The following SPECC1L variants were observed in gnomAD, a reference collection of about 807,000 sequenced individuals.
SPECC1L encodes cytospin-A.
Under a neutral mutation model 116.8 loss-of-function variants are expected in SPECC1L, and 40 were observed. The ratio of observed to expected loss-of-function variants is 0.34; its 90% CI spans 0.27 to 0.45. The LOEUF (loss-of-function observed/expected upper bound fraction) is 0.45. Ranked by LOEUF, SPECC1L falls within the 20% of genes least tolerant of loss-of-function variation. The pLI is 1.00. For missense variants in SPECC1L, 1,110 were observed against 1,373.6 expected, an observed-to-expected ratio of 0.81 and a Z score of 3.03; for synonymous variants, 504 against 500.6, an observed-to-expected ratio of 1.01 and a Z score of -0.09.
chr22:24,363,252 T>C lies in SPECC1L; in HGVS notation c.2744-9T>C, dbSNP rs777809074. The C allele has an allele frequency of 6.2e-7, 1 of 1,612,918 alleles. No homozygotes were observed. The highest frequency in any genetic ancestry group is 1.1e-5 in the South Asian group (1 of 91,046). Reference sequence around the variant, plus strand: ...ATTTCTTTATTGGGATTCTTTCTACTTTGTACAGAGCATCTGTTAAGAACA... The same window carrying C: ...ATTTCTTTATTGGGATTCTTTCTACCTTGTACAGAGCATCTGTTAAGAACA... On this transcript the variant is annotated splice_polypyrimidine_tract_variant and intron_variant, in intron 11 of 16. Coordinates refer to ENST00000314328, the MANE Select transcript of SPECC1L (RefSeq NM_015330.6).
intron 14 of SPECC1L, among the ~76,000 whole-genome samples, chr22:24,373,322 T>C (rs945993848): frequency 6.6e-6 from 1 of 152,142 alleles, no homozygotes; most frequent in African/African-American, 2.4e-5. Context: ...GCCAAGTCAA[T>C]CCTAAGCCAA....
chr22:24,323,702 T>A (rs2040765162), intron 5 of SPECC1L, among the ~76,000 whole-genome samples: 1 of 152,216 alleles, frequency 6.6e-6, no homozygotes, highest in South Asian at 2.1e-4. Context: ...TAATTTAGAT[T>A]TTAGGGTGTT....
Position 24,313,466 on chromosome 22 carries a change from G to A in SPECC1L, c.307G>A (p.Gly103Ser). ...TVENKSKIST[G>S]TASSTKRSTS... is the part of the protein sequence containing the mutation. ...GGAGAACAAATCCAAGATTAGCACA[G>A]GTAACGGTGACATTCAGTCTGAGAC... is the stretch of plus-strand genomic sequence containing the variant. Residue 103 changes from glycine to serine, a missense_variant and splice_region_variant, in exon 4 of 17, where the codon GGC becomes AGC. Gly to Ser is a moderately conservative substitution (Grantham distance 56). This residue lies in a region of SPECC1L where 437 missense variants were observed against 482.6 expected (regional missense o/e 0.91). Transcript: ENST00000314328. 1 of 1,613,872 alleles carries A rather than the reference G, an allele frequency of 6.2e-7. No homozygotes were observed. The highest frequency in any genetic ancestry group is 8.5e-7 in the Non-Finnish European group (1 of 1,180,030).
chr22:24,280,655 A>G (rs1258907574), intron 2 of SPECC1L, among the ~76,000 whole-genome samples: 3 of 142,670 alleles, frequency 2.1e-5, no homozygotes, highest in Non-Finnish European at 4.5e-5. Context: ...ACAGCTTATT[A>G]CAGCCCTGAC....
intron 14 of SPECC1L, among the ~76,000 whole-genome samples, chr22:24,373,913 TCAAA>T (rs1340355980): frequency 6.6e-6 from 1 of 151,370 alleles, no homozygotes; most frequent in Non-Finnish European, 1.5e-5. Context: ...TACAATGAAC[TCAAA>T]CAAATATACA....
intron 4 of SPECC1L, among the ~76,000 whole-genome samples, chr22:24,315,852 T>A (rs1295798404): frequency 1.3e-5 from 2 of 152,240 alleles, no homozygotes; most frequent in Non-Finnish European, 2.9e-5. Context: ...GAGATCTCTT[T>A]TTTGTCTTGC....
chr22:24,311,461 C>T (rs566385861), intron 3 of SPECC1L, among the ~76,000 whole-genome samples: 1 of 152,224 alleles, frequency 6.6e-6, no homozygotes, highest in East Asian at 1.9e-4. Context: ...CATTGTGTGA[C>T]TTCGGCATCA....
intron 14 of SPECC1L, among the ~76,000 whole-genome samples, chr22:24,385,961 A>G (rs1217349186): frequency 1.3e-5 from 2 of 152,234 alleles, no homozygotes; most frequent in African/African-American, 4.8e-5. Context: ...AATTGGCCAC[A>G]GTATATTCAT....
At position 24,398,810 on chromosome 22, in the gene SPECC1L, G is replaced by A. The variant is rs562359987; in HGVS notation, c.3088-12778G>A. On this transcript the variant is annotated intron_variant, in intron 14 of 16. Transcript: ENST00000314328. ...CCCTAAAGAGGCCAGGAAAGCTTTTGGGGGTTAGGATGAGGACACGATTCT... is the reference window on the plus strand; with the variant it reads ...CCCTAAAGAGGCCAGGAAAGCTTTTAGGGGTTAGGATGAGGACACGATTCT... 2.0e-5 allele frequency among the ~76,000 whole-genome samples: 3 copies of A among 152,298 alleles called. No homozygotes were observed. The South Asian group carries it at 6.2e-4, about 32-fold the overall frequency.
rs1002082218 is a variant in SPECC1L, at chr22:24,322,380, G to A, written c.1400G>A (p.Arg467His). ...TTTAGTCGACAGATTGAATACTTCC[G>A]CTCTCTTCTAGATGAGCATCACATT... ...EHFSRQIEYF[R>H]SLLDEHHISY... is the part of the protein sequence containing the mutation. Residue 467 changes from arginine to histidine, a missense_variant, in exon 5 of 17, where the codon CGC (arginine) becomes CAC (histidine). This residue lies in a region of SPECC1L where 575 missense variants were observed against 682.4 expected (regional missense o/e 0.84). Transcript: ENST00000314328. 5 of 1,614,150 alleles carry A rather than the reference G, an allele frequency of 3.1e-6. No homozygotes were observed. The highest frequency in any genetic ancestry group is 1.7e-5 in the Admixed American group (1 of 60,012).
chr22:24,337,210 A>G (rs2041078397), intron 9 of SPECC1L, among the ~76,000 whole-genome samples: 1 of 152,240 alleles, frequency 6.6e-6, no homozygotes, highest in African/African-American at 2.4e-5. Flanking sequence ...ATGAATGGAT[A>G]AACAAAATGT....
intron 2 of SPECC1L, among the ~76,000 whole-genome samples, chr22:24,300,371 G>A (rs2049353353): frequency 6.6e-6 from 1 of 152,240 alleles, no homozygotes; most frequent in South Asian, 2.1e-4. Flanking sequence ...TCTTCATCCA[G>A]TGTATCATTG....
chr22:24,378,708 A>T (rs2042012814), intron 14 of SPECC1L, among the ~76,000 whole-genome samples: 1 of 152,222 alleles, frequency 6.6e-6, no homozygotes, highest in African/African-American at 2.4e-5. Context: ...CAGAATGGCT[A>T]GTCAGTGGAT....
chr22:24,356,988 A>C (rs2041546426), intron 11 of SPECC1L, among the ~76,000 whole-genome samples: 1 of 151,810 alleles, frequency 6.6e-6, no homozygotes, highest in Non-Finnish European at 1.5e-5. Flanking sequence ...AGTTATGACA[A>C]CCAAAAAATG....
chr22:24,353,549 C>T (rs1021602561), intron 11 of SPECC1L, among the ~76,000 whole-genome samples: 3 of 151,998 alleles, frequency 2.0e-5, no homozygotes, highest in South Asian at 2.1e-4. Flanking sequence ...GGATTACAGG[C>T]GCATACCACC....
chr22:24,302,355 AAACCTGG>A lies in SPECC1L; in HGVS notation c.128_134del (p.Pro43GlnfsTer15). 1 of 1,614,174 alleles carries A rather than the reference AAACCTGG, an allele frequency of 6.2e-7. No individual in the cohort carries two copies. Among genetic ancestry groups the A allele is most frequent in the Non-Finnish European group, 8.5e-7 (1 of 1,180,042 alleles). ...AGCATCTACGGGAGGCAAACTTGTA[AAACCTGG>A]AACAGCAGCATCATTGTCAAAGGTA... is the stretch of plus-strand genomic sequence containing the variant. On this transcript the variant is annotated frameshift_variant, in exon 3 of 17. Coordinates refer to ENST00000314328, the MANE Select transcript of SPECC1L (RefSeq NM_015330.6). LOFTEE classifies it high-confidence loss of function.
chr22:24,287,705 T>G (rs2049068454), intron 2 of SPECC1L, among the ~76,000 whole-genome samples: 1 of 152,198 alleles, frequency 6.6e-6, no homozygotes, highest in Admixed American at 6.5e-5. Context: ...CTCTACCATT[T>G]GCTTCGGGAT....
At chr22:24,287,591 C>T (rs1303956484) in intron 2 of SPECC1L, among the ~76,000 whole-genome samples, 1 of 152,108 alleles carries the variant, frequency 6.6e-6, no homozygotes, top group Non-Finnish European at 1.5e-5. Context: ...ACCAAGGCCC[C>T]CTATAGTCCC....
chr22:24,388,450 G>A (rs1367671334), intron 14 of SPECC1L, among the ~76,000 whole-genome samples: 3 of 151,606 alleles, frequency 2.0e-5, no homozygotes, highest in Non-Finnish European at 4.4e-5. Flanking sequence ...ATTCCATGGT[G>A]TATATGTGCC....
Sources: allele counts gnomAD v4.1 joint callset (sites outside exome capture counted in the v4.1 genomes callset), GRCh38; gene constraint gnomAD v4.1.1; regional missense constraint gnomAD v4.1.1; transcripts MANE v1.5; gene names NCBI Gene and HGNC (gene_info 2026-07-23, HGNC 2026-07-21).